The following CACNA1I variants were observed in gnomAD, a reference collection of about 807,000 sequenced individuals.
The protein encoded by CACNA1I is voltage-dependent T-type calcium channel subunit alpha-1I.
A neutral mutation model predicts 201.6 loss-of-function variants in CACNA1I; 74 were observed. The observed-to-expected ratio is 0.37, with a 90% CI of 0.30 to 0.45. CACNA1I has a LOEUF of 0.45. Among genes scored for constraint, CACNA1I ranks in the 20% least tolerant of loss-of-function variants. The probability of loss-of-function intolerance (pLI) is 1.00; values close to 1 mark genes in which losing one functional copy is unlikely to be tolerated. For synonymous variants in CACNA1I, 1,431 were observed against 1,345.2 expected, an observed-to-expected ratio of 1.06 and a Z score of -1.40; for missense variants, 2,346 against 3,138.1, an observed-to-expected ratio of 0.75 and a Z score of 6.03.
At position 39,684,873 on chromosome 22, in the gene CACNA1I, T is replaced by TG; in HGVS notation, c.6027+380dup. 1 of 380,730 alleles carries TG rather than the reference T, an allele frequency of 2.6e-6. No individual in the cohort carries two copies. The highest frequency in any genetic ancestry group is 3.8e-5 in the South Asian group (1 of 26,356). 23.6% of individuals were successfully genotyped at this position (380,730 alleles called of 1,614,324 possible). A position where few individuals can be genotyped will look rare whatever the true frequency, so the allele number is the denominator to read the frequency against. ...CCTGGGTGCTCTGGGTGGGTGTGAG[T>TG]GGGGGCTTGATTACTAGGAATGGAG... On this transcript the variant is annotated intron_variant, in intron 36 of 36. Transcript: ENST00000402142. The surrounding 1 kb of genome is among the most constrained non-coding windows in gnomAD (Gnocchi z 4.6).
At position 39,648,022 on chromosome 22, in the gene CACNA1I, C is replaced by A; in HGVS notation, c.1567+96C>A. The A allele has an allele frequency of 9.0e-7, 1 of 1,106,564 alleles. No individual in the cohort carries two copies. Among genetic ancestry groups the A allele is most frequent in the Non-Finnish European group, 1.3e-6 (1 of 747,546 alleles). The allele number at this position is 1,106,564 out of a possible 1,614,324, so 68.5% of individuals were successfully genotyped here. ...AGGAAGTCGGCAGGCATGGGGACGG[C>A]GCTTGAGCAGCCGCGACCCTCTGCA... On this transcript the variant is annotated intron_variant, in intron 9 of 36. Coordinates refer to ENST00000402142, the MANE Select transcript of CACNA1I (RefSeq NM_021096.4). The surrounding 1 kb of genome is among the most constrained non-coding windows in gnomAD (Gnocchi z 5.4).
At chr22:39,607,858 C>G (rs1445821189) in intron 3 of CACNA1I, among the ~76,000 whole-genome samples, 1 of 150,148 alleles carries the variant, frequency 6.7e-6, no homozygotes, top group Non-Finnish European at 1.5e-5. Flanking sequence ...GGTGCGGTGG[C>G]TCACACCTGT....
chr22:39,604,579 G>A (rs942133678), intron 3 of CACNA1I, among the ~76,000 whole-genome samples: 4 of 152,066 alleles, frequency 2.6e-5, no homozygotes, highest in African/African-American at 9.7e-5. Context: ...AGGGATAGAT[G>A]CAAAGGAGAC....
intron 24 of CACNA1I, among the ~76,000 whole-genome samples, chr22:39,669,275 T>C (rs1445034356): frequency 6.6e-6 from 1 of 152,166 alleles, no homozygotes; most frequent in African/African-American, 2.4e-5. Context: ...GAGCTGGACG[T>C]GGGGGTGGCA....
At position 39,625,064 on chromosome 22, in the gene CACNA1I, C is replaced by A. The variant is rs934689554; in HGVS notation, c.580+5657C>A. Among the ~76,000 whole-genome samples the A allele has an allele frequency of 5.6e-4, 85 of 152,072 alleles. 1 individual carries two copies. The highest frequency in any genetic ancestry group is 1.9e-3 in the African/African-American group (78 of 41,462). On this transcript the variant is annotated intron_variant, in intron 4 of 36. Coordinates refer to ENST00000402142, the MANE Select transcript of CACNA1I (RefSeq NM_021096.4). ...CTGGGATTACAGGTGCCCACCACCA[C>A]GTCCAGCTAATTTTTGTATTTTTAG...
Position 39,672,264 on chromosome 22 carries a change from G to A in CACNA1I, c.4605G>A (p.Val1535=). 1 of 1,613,806 alleles carries A rather than the reference G, an allele frequency of 6.2e-7. No homozygotes were observed. The highest frequency in any genetic ancestry group is 8.5e-7 in the Non-Finnish European group (1 of 1,179,846). ...CCACTGTCTTTGTGCTGGAGGCTGT[G>A]CTGAAGCTGGTGGCATTTGGTCTGA... ...MFTTVFVLEA[V]LKLVAFGLRR... is the part of the protein sequence containing the mutation. Residue 1535 remains valine (V), a synonymous_variant, in exon 27 of 37, where the codon GTG becomes GTA. Coordinates refer to ENST00000402142, the MANE Select transcript of CACNA1I (RefSeq NM_021096.4).
At chr22:39,627,688 G>A (rs1373949438) in intron 4 of CACNA1I, among the ~76,000 whole-genome samples, 1 of 152,190 alleles carries the variant, frequency 6.6e-6, no homozygotes, top group African/African-American at 2.4e-5. Flanking sequence ...CGGCATTTTC[G>A]CCTGAAGCAT....
At chr22:39,585,386 CTTTTTTTTTTTT>C (rs67733131) in intron 1 of CACNA1I, among the ~76,000 whole-genome samples, 1 of 90,456 alleles carries the variant, frequency 1.1e-5, no homozygotes, top group Admixed American at 1.2e-4. Context: ...TTCTTTCTTT[CTTTTTTTTTTTT>C]TTTTTTTTTG....
intron 4 of CACNA1I, among the ~76,000 whole-genome samples, chr22:39,620,458 G>A (rs887181693): frequency 6.6e-6 from 1 of 152,160 alleles, no homozygotes; most frequent in Non-Finnish European, 1.5e-5. Context: ...ATTAAGAGAG[G>A]TTATCTTGCA....
chr22:39,600,399 C>T (rs1407963983), intron 2 of CACNA1I, 121 bp from the exon 3 acceptor site: 9 of 747,298 alleles, frequency 1.2e-5, no homozygotes, highest in East Asian at 8.3e-5. Context: ...GAGGAGTTTC[C>T]GGGTGTTTCC....
chr22:39,659,034 C>T lies in CACNA1I; in HGVS notation c.2248C>T (p.Arg750Cys), dbSNP rs773178866. 4 of 1,613,132 alleles carry T rather than the reference C, an allele frequency of 2.5e-6. No homozygotes were observed. The highest frequency in any genetic ancestry group is 1.1e-5 in the South Asian group (1 of 90,868). Reference sequence around the variant, plus strand: ...GGTGCGCTTCATGCCTGCCCTGCGGCGCCAGCTCGTGGTGCTCATGAAGAC... The same window carrying T: ...GGTGCGCTTCATGCCTGCCCTGCGGTGCCAGCTCGTGGTGCTCATGAAGAC... ...KLVRFMPALRRQLVVLMKTMD... is the reference protein window; with the variant it reads ...KLVRFMPALRCQLVVLMKTMD... Residue 750 changes from arginine to cysteine, a missense_variant, in exon 12 of 37, where the codon CGC becomes TGC. This residue lies in a region of CACNA1I where 155 missense variants were observed against 300.8 expected (regional missense o/e 0.52). Coordinates refer to ENST00000402142, the MANE Select transcript of CACNA1I (RefSeq NM_021096.4). The surrounding 1 kb of genome is among the most constrained non-coding windows in gnomAD (Gnocchi z 4.3).
intron 1 of CACNA1I, among the ~76,000 whole-genome samples, chr22:39,572,599 G>T (rs916117021): frequency 6.6e-6 from 1 of 152,122 alleles, no homozygotes; most frequent in Non-Finnish European, 1.5e-5. Context: ...CCTTCTGGGG[G>T]ACGGCTCACA....
In CACNA1I at chr22:39,665,377, C is replaced by A; in HGVS notation, c.3852-121C>A. The A allele has an allele frequency of 8.4e-7, 1 of 1,196,234 alleles. No homozygotes were observed. The highest frequency in any genetic ancestry group is 1.2e-6 in the Non-Finnish European group (1 of 856,762). The allele number at this position is 1,196,234 out of a possible 1,614,324, so 74.1% of individuals were successfully genotyped here. On this transcript the variant is annotated intron_variant, in intron 21 of 36. Coordinates refer to ENST00000402142, the MANE Select transcript of CACNA1I (RefSeq NM_021096.4). The surrounding 1 kb of genome is among the most constrained non-coding windows in gnomAD (Gnocchi z 5.5). ...GTCCTCATGCCCCAGGGTGTTCAGC[C>A]CTGGTGAGCCCTGGGGACTCATGCC... is the stretch of plus-strand genomic sequence containing the variant.
intron 10 of CACNA1I, chr22:39,656,409 T>G (rs1280048074): frequency 1.9e-6 from 1 of 518,980 alleles, no homozygotes; most frequent in Non-Finnish European, 3.8e-6. Flanking sequence ...CTTTTAGGTC[T>G]CTGCTGAGAT....
rs369268620 is a variant in CACNA1I at position 39,576,026 on chromosome 22, C to T, written c.236+5038C>T. ...CTGACCTCAAGTGATCTGCCCGCCTCGGCCTCCCAAAGTGCTGGGATTACA... is the reference window on the plus strand; with the variant it reads ...CTGACCTCAAGTGATCTGCCCGCCTTGGCCTCCCAAAGTGCTGGGATTACA... On this transcript the variant is annotated intron_variant, in intron 1 of 36. Transcript: ENST00000402142. Among the ~76,000 whole-genome samples the T allele has an allele frequency of 5.9e-5, 9 of 152,262 alleles. No homozygotes were observed. The East Asian group carries it at 1.5e-3, about 26-fold the overall frequency.
chr22:39,599,268 A>G (rs1295528556), intron 2 of CACNA1I, among the ~76,000 whole-genome samples: 2 of 148,420 alleles, frequency 1.3e-5, no homozygotes, highest in African/African-American at 4.9e-5. Context: ...GGGTTTCTAT[A>G]GGACTCAGTA....
At chr22:39,640,043 G>A (rs1311714025) in intron 5 of CACNA1I, among the ~76,000 whole-genome samples, 2 of 152,140 alleles carry the variant, frequency 1.3e-5, no homozygotes, top group African/African-American at 2.4e-5. Context: ...TAACCCTTCT[G>A]GATGGTCATA....
In CACNA1I at chr22:39,662,244, A is replaced by G; in HGVS notation, c.3181A>G (p.Asn1061Asp). The G allele has an allele frequency of 6.5e-7, 1 of 1,528,190 alleles. No individual in the cohort carries two copies. The highest frequency in any genetic ancestry group is 1.2e-5 in the South Asian group (1 of 82,406). The allele number at this position is 1,528,190 out of a possible 1,614,324, so 94.7% of individuals were successfully genotyped here. ...RHHRRTLSLD[N>D]RDSVDLAELV... is the part of the protein sequence containing the mutation. ...CCACCGCCGGACGCTGTCCCTCGAC[A>G]ACAGGGACTCGGTGGACCTGGCCGA... Residue 1061 changes from asparagine (N) to aspartate (D), a missense_variant, in exon 17 of 37, where the codon AAC (asparagine) becomes GAC (aspartate). Around this residue, in one of 13 missense-constraint regions of CACNA1I, gnomAD observed 288 missense variants for 255.2 expected, o/e 1.13. Transcript: ENST00000402142.
Position 39,646,724 on chromosome 22 carries a change from C to T in CACNA1I, c.1305C>T (p.Tyr435=), listed in dbSNP as rs771000320. ...GCTACGCCGAGCCTGGCGACTGCTA[C>T]GAGGAGATCTTCCAGTATGTCTGCC... ...VASYAEPGDC[Y]EEIFQYVCHI... is the part of the protein sequence containing the mutation. Residue 435 remains tyrosine, a synonymous_variant, in exon 8 of 37, where the codon TAC becomes TAT. Transcript: ENST00000402142. 1.1e-5 allele frequency: 17 copies of T among 1,597,700 alleles called. No homozygotes were observed. Among genetic ancestry groups the T allele is most frequent in the South Asian group, 4.5e-5 (4 of 88,438 alleles).
Sources: gnomAD v4.1 joint callset for allele counts (sites outside exome capture counted in the v4.1 genomes callset) on GRCh38, gnomAD v4.1.1 for gene constraint, gnomAD v4.1.1 regional missense constraint, Gnocchi (gnomAD v3.1) non-coding constraint, MANE v1.5 for transcripts, NCBI Gene and HGNC (gene_info 2026-07-23, HGNC 2026-07-21) for gene names.